Variants in BCORL1 observed in about 807,000 individuals in gnomAD.
BCORL1 encodes BCL-6 corepressor-like protein 1.
In BCORL1, 7 loss-of-function variants were observed where a neutral mutation model predicts 87.6. The observed-to-expected ratio is 0.08, with a 90% CI of 0.05 to 0.15. The LOEUF (loss-of-function observed/expected upper bound fraction) is 0.15. Among genes scored for constraint, BCORL1 ranks in the 10% least tolerant of loss-of-function variants. BCORL1 has a pLI of 1.00. For missense variants in BCORL1, 1,215 were observed against 1,499.7 expected (o/e 0.81, Z 3.13); for synonymous variants, 591 against 634.4 (o/e 0.93, Z 1.03).
chrX:130,034,509 G>C lies in BCORL1; in HGVS notation c.4360G>C (p.Val1454Leu). 2 of 983,218 alleles carry C rather than the reference G, an allele frequency of 2.0e-6. No homozygotes were observed. Among genetic ancestry groups the C allele is most frequent in the South Asian group, 4.0e-5 (2 of 50,560 alleles). The allele number at this position is 983,218 out of a possible 1,213,427, so 81.0% of individuals were successfully genotyped here. Reference protein sequence around the residue: ...KTRSPKSPTPVKPTEPCTPSK... With the variant: ...KTRSPKSPTPLKPTEPCTPSK... ...ACGATCTCCCAAATCTCCCACCCCA[G>C]TGAAACCCACAGAACCATGTACACC... The change falls in exon 9 of 14, where the codon GTG becomes CTG. Residue 1454 changes from valine to leucine, a missense_variant. Val to Leu is a conservative substitution (Grantham distance 32). Coordinates refer to ENST00000540052, the MANE Select transcript of BCORL1 (RefSeq NM_001379451.1).
intron 8 of BCORL1, among the ~76,000 whole-genome samples, chrX:130,031,447 G>C (rs959880650): frequency 2.7e-5 from 3 of 112,081 alleles, no homozygotes; most frequent in African/African-American, 6.5e-5. Flanking sequence ...GGCCATCCAG[G>C]GCTCTGCACA....
intron 11 of BCORL1, among the ~76,000 whole-genome samples, chrX:130,043,893 C>T (rs1239211971): frequency 7.2e-5 from 7 of 97,861 alleles, no homozygotes; most frequent in Non-Finnish European, 1.4e-4. Flanking sequence ...CCTCAGCCTC[C>T]GGAGTAGCTG....
chrX:129,990,924 T>A (rs895860739), intron 1 of BCORL1, among the ~76,000 whole-genome samples: 1 of 111,089 alleles, frequency 9.0e-6, no homozygotes. Context: ...ATTAATTAAT[T>A]TATTTGTTTA....
intron 1 of BCORL1, among the ~76,000 whole-genome samples, chrX:130,000,443 A>G (rs1157757800): frequency 8.9e-6 from 1 of 112,544 alleles, no homozygotes; most frequent in Non-Finnish European, 1.9e-5. Flanking sequence ...AAATATTTCT[A>G]AAATTATGCT....
At chrX:130,046,124 TA>T (rs1931728549) in intron 11 of BCORL1, among the ~76,000 whole-genome samples, 1 of 109,019 alleles carries the variant, frequency 9.2e-6, no homozygotes, top group Admixed American at 9.8e-5. Context: ...TTTACAACAA[TA>T]ACAGTAACAA....
At position 130,013,674 on chromosome X, in the gene BCORL1, C is replaced by G. The variant is rs1257942270; in HGVS notation, c.902C>G (p.Ala301Gly). 1 of 1,211,463 alleles carries G rather than the reference C, an allele frequency of 8.3e-7. No individual in the cohort carries two copies. Among genetic ancestry groups the G allele is most frequent in the Non-Finnish European group, 1.1e-6 (1 of 895,471 alleles). The change falls in exon 4 of 14, where the codon GCT becomes GGT. Residue 301 changes from alanine (A) to glycine (G), a missense_variant. By Grantham distance (60) the Ala-to-Gly change is moderately conservative (BLOSUM62 0). Coordinates refer to ENST00000540052, the MANE Select transcript of BCORL1 (RefSeq NM_001379451.1). The part of the protein sequence containing the change: ...PSGPVPLSAP[A>G]PAPLSVPVSA... Reference sequence around the variant, plus strand: ...GGCCCGGTTCCCTTGTCGGCTCCAGCTCCTGCCCCGCTTTCAGTCCCAGTT... The same window carrying G: ...GGCCCGGTTCCCTTGTCGGCTCCAGGTCCTGCCCCGCTTTCAGTCCCAGTT...
chrX:129,996,550 T>G (rs777771041), intron 1 of BCORL1, among the ~76,000 whole-genome samples: 7 of 111,866 alleles, frequency 6.3e-5, no homozygotes, highest in African/African-American at 2.3e-4. Context: ...TTAAGGGGTC[T>G]TCAGCCACAA....
In BCORL1 at chrX:130,028,844, G is replaced by C. The variant is rs1002284066; in HGVS notation, c.4288G>C (p.Val1430Leu). ...RKCKTKHMATVSEEAKGKGRW... is the reference protein window; with the variant it reads ...RKCKTKHMATLSEEAKGKGRW... ...GTGCAAGACCAAGCACATGGCAACC[G>C]TCTCAGAAGAGGCAAAGGTGTGTAG... Residue 1430 changes from valine (V) to leucine (L), a missense_variant, in exon 8 of 14, where the codon GTC (valine) becomes CTC (leucine). Val to Leu is a conservative substitution (Grantham distance 32, BLOSUM62 1). This residue lies in a region of BCORL1 where 166 missense variants were observed against 196.5 expected (regional missense o/e 0.84). Coordinates refer to ENST00000540052, the MANE Select transcript of BCORL1 (RefSeq NM_001379451.1). The C allele has an allele frequency of 8.7e-7, 1 of 1,148,944 alleles. No individual in the cohort carries two copies. Among genetic ancestry groups the C allele is most frequent in the Non-Finnish European group, 1.2e-6 (1 of 858,956 alleles). The allele number at this position is 1,148,944 out of a possible 1,213,427, so 94.7% of individuals were successfully genotyped here.
At chrX:130,027,321 T>G (rs1486016491) in intron 7 of BCORL1, among the ~76,000 whole-genome samples, 1 of 112,867 alleles carries the variant, frequency 8.9e-6, no homozygotes, top group African/African-American at 3.2e-5. Context: ...TTAGAGACCA[T>G]GTAGTACAGC....
intron 8 of BCORL1, among the ~76,000 whole-genome samples, chrX:130,030,237 C>A (rs1227185453): frequency 1.8e-5 from 2 of 111,416 alleles, no homozygotes; most frequent in Admixed American, 1.9e-4. Context: ...GTGCTTCGGG[C>A]GGAAGCAAGA....
At chrX:130,047,438 G>A (rs189700211) in intron 11 of BCORL1, among the ~76,000 whole-genome samples, 1 of 112,359 alleles carries the variant, frequency 8.9e-6, no homozygotes, top group Non-Finnish European at 1.9e-5. Context: ...CCTCCTGTGT[G>A]CCACTCATGG....
intron 12 of BCORL1, among the ~76,000 whole-genome samples, chrX:130,051,391 A>G (rs142330118): frequency 1.9e-4 from 21 of 112,931 alleles, no homozygotes; most frequent in African/African-American, 6.7e-4. Context: ...TCAGGATGGA[A>G]TGCAACTGGC....
intron 7 of BCORL1, among the ~76,000 whole-genome samples, chrX:130,027,997 G>T (rs1209964743): frequency 4.4e-5 from 5 of 112,378 alleles, no homozygotes; most frequent in Non-Finnish European, 9.4e-5. Flanking sequence ...AGATGTTGCT[G>T]GTGTGTTCTA....
intron 2 of BCORL1, among the ~76,000 whole-genome samples, chrX:130,011,425 T>C (rs764693052): frequency 9.0e-6 from 1 of 110,724 alleles, no homozygotes; most frequent in South Asian, 3.8e-4. Flanking sequence ...TTTTAGTAGA[T>C]ATGGAGTTTT....
intron 7 of BCORL1, among the ~76,000 whole-genome samples, chrX:130,027,525 G>A (rs1011080573): frequency 8.9e-6 from 1 of 112,357 alleles, no homozygotes; most frequent in South Asian, 3.6e-4. Flanking sequence ...TGAGAGAGGC[G>A]AGTTGAGAAC....
At chrX:130,000,896 T>TTGTGTGTG (rs61288678) in intron 1 of BCORL1, among the ~76,000 whole-genome samples, 4 of 98,221 alleles carry the variant, frequency 4.1e-5, no homozygotes, top group Non-Finnish European at 8.3e-5. Flanking sequence ...GGTGGATGCT[T>TTGTGTGTG]TGTGTGTGTG....
At chrX:130,022,837 G>C (rs1929950715) in intron 5 of BCORL1, 60 bp from the exon 6 acceptor site, 1 of 1,049,937 alleles carries the variant, frequency 9.5e-7, no homozygotes, top group East Asian at 3.0e-5. Flanking sequence ...GGGCTTTCTG[G>C]TCTTTAAGCT....
rs1234420596 is a variant in BCORL1, at chrX:130,021,038, G to T, written c.3495G>T (p.Gly1165=). The T allele has an allele frequency of 8.4e-7, 1 of 1,187,366 alleles. No individual in the cohort carries two copies. Among genetic ancestry groups the T allele is most frequent in the African/African-American group, 1.8e-5 (1 of 55,189 alleles). The stretch of plus-strand genomic sequence containing the variant: ...AATCCACCAAGAAAAGCCCCAGGGG[G>T]GCTTCAGATTCAGGAAAAGAGCACA... ...PQESTKKSPR[G]ASDSGKEHNG... Residue 1165 remains glycine, a synonymous_variant, in exon 5 of 14, where the codon GGG becomes GGT. Transcript: ENST00000540052.
chrX:130,026,074 A>G (rs1253310760), intron 7 of BCORL1, among the ~76,000 whole-genome samples: 5 of 111,747 alleles, frequency 4.5e-5, no homozygotes, highest in Non-Finnish European at 9.4e-5. Flanking sequence ...TAATATCAGT[A>G]TGTTCCACTG....
Sources: gnomAD v4.1 joint callset for allele counts (sites outside exome capture counted in the v4.1 genomes callset) on GRCh38, gnomAD v4.1.1 for gene constraint, gnomAD v4.1.1 regional missense constraint, MANE v1.5 for transcripts, NCBI Gene and HGNC (gene_info 2026-07-23, HGNC 2026-07-21) for gene names.